Variants in EPB42 observed in about 807,000 individuals in gnomAD.
EPB42 encodes protein 4.2.
A neutral mutation model predicts 76.9 loss-of-function variants in EPB42; 49 were observed. That is an observed-to-expected ratio of 0.64 (90% CI 0.51 to 0.81). The LOEUF (loss-of-function observed/expected upper bound fraction) is 0.81, where lower values mean the gene tolerates loss of function less well. Ranked by LOEUF, EPB42 falls within the 30% of genes least tolerant of loss-of-function variation. EPB42 has a pLI of 0.00. For synonymous variants in EPB42, 310 were observed against 338.4 expected (o/e 0.92, Z 0.92); for missense variants, 731 against 867.6 (o/e 0.84, Z 1.98).
intron 11 of EPB42, 26 bp from the exon 12 acceptor site, chr15:43,202,003 TG>T: frequency 1.9e-6 from 3 of 1,613,576 alleles, no homozygotes; most frequent in Non-Finnish European, 2.5e-6. Flanking sequence ...ATACCTGGTG[TG>T]GATGCCAAGG....
upstream of EPB42, among the ~76,000 whole-genome samples, chr15:43,225,212 T>C (rs762067314): frequency 6.6e-6 from 1 of 152,268 alleles, no homozygotes; most frequent in Non-Finnish European, 1.5e-5. Flanking sequence ...TAGAAAATTA[T>C]TGCTTCTAGA....
chr15:43,204,768 T>C (rs2042174866), intron 10 of EPB42, among the ~76,000 whole-genome samples: 1 of 152,192 alleles, frequency 6.6e-6, no homozygotes, highest in Admixed American at 6.5e-5. Context: ...CTTCTCATCT[T>C]CAATCCAGTG....
chr15:43,214,569 G>A (rs1182760958), intron 3 of EPB42, among the ~76,000 whole-genome samples: 1 of 152,178 alleles, frequency 6.6e-6, no homozygotes, highest in East Asian at 1.9e-4. Context: ...GGCCCTGGTC[G>A]GCCGGGGAGC....
intron 1 of EPB42, among the ~76,000 whole-genome samples, chr15:43,217,373 C>T (rs569602280): frequency 5.3e-5 from 8 of 152,192 alleles, no homozygotes; most frequent in East Asian, 3.9e-4. Context: ...TTGTATAGCC[C>T]GCAGAACCAT....
intron 12 of EPB42, 145 bp downstream of exon 12, chr15:43,201,699 A>T: frequency 1.6e-6 from 2 of 1,270,686 alleles, no homozygotes; most frequent in Non-Finnish European, 2.3e-6. Flanking sequence ...GAGGGAAGCC[A>T]CTTGGTAGCC....
In EPB42 at chr15:43,208,223, G is replaced by T. The variant is rs761030391; in HGVS notation, c.1075+7C>A. ...TGCGTGGTCCTGGACCCACCCCTAG[G>T]CTTTACCTCCACCTCCATTAGGAGC... On this transcript the variant is annotated splice_region_variant and intron_variant, in intron 8 of 12. Coordinates refer to ENST00000441366, the MANE Select transcript of EPB42 (RefSeq NM_001114134.2). The T allele has an allele frequency of 1.3e-4, 212 of 1,613,164 alleles. No individual in the cohort carries two copies. Among genetic ancestry groups the T allele is most frequent in the Middle Eastern group, 1.2e-3 (7 of 5,976 alleles).
intron 2 of EPB42, among the ~76,000 whole-genome samples, chr15:43,216,056 T>C (rs2042373424): frequency 6.6e-6 from 1 of 152,264 alleles, no homozygotes; most frequent in East Asian, 1.9e-4. Flanking sequence ...TTGGTGATGC[T>C]GCTGCTAGGC....
intron 1 of EPB42, among the ~76,000 whole-genome samples, chr15:43,217,612 C>T (rs986197634): frequency 2.0e-5 from 3 of 152,100 alleles, no homozygotes; most frequent in Non-Finnish European, 4.4e-5. Flanking sequence ...CCTTTAATAG[C>T]AGAAGGCCAT....
In EPB42 at chr15:43,201,930, GCTGA is replaced by G. The variant is rs2042132548; in HGVS notation, c.1823_1826del (p.Val608AlafsTer6). 6.2e-7 allele frequency: 1 copy of G among 1,614,084 alleles called. No homozygotes were observed. The highest frequency in any genetic ancestry group is 1.3e-5 in the African/African-American group (1 of 74,918). On this transcript the variant is annotated frameshift_variant, in exon 12 of 13. Transcript: ENST00000441366. LOFTEE classifies it high-confidence loss of function. ...TGGGGGCATCTAGGGAGTTCTGGAG[GCTGA>G]CTGAGGCTGTGAGGGGTTGATACTG...
At chr15:43,217,150 T>C in intron 1 of EPB42, among the ~76,000 whole-genome samples, 1 of 152,184 alleles carries the variant, frequency 6.6e-6, no homozygotes, top group East Asian at 1.9e-4. Context: ...TCCCCAGTGT[T>C]AGAGGAGGGG....
At chr15:43,207,740 T>C (rs2042227109) in intron 8 of EPB42, among the ~76,000 whole-genome samples, 1 of 152,216 alleles carries the variant, frequency 6.6e-6, no homozygotes. Flanking sequence ...AGCTTTACTA[T>C]GGATATGACA....
At chr15:43,215,465 G>T in intron 2 of EPB42, 137 bp from the exon 3 acceptor site, 3 of 876,108 alleles carry the variant, frequency 3.4e-6, no homozygotes, top group Non-Finnish European at 5.6e-6. Context: ...CTAGAAATGA[G>T]GCCCATCAAG....
At position 43,197,327 on chromosome 15, in the gene EPB42, A is replaced by G; in HGVS notation, c.2051T>C (p.Val684Ala). The G allele has an allele frequency of 1.9e-6, 3 of 1,614,200 alleles. No individual in the cohort carries two copies. The highest frequency in any genetic ancestry group is 1.7e-6 in the Non-Finnish European group (2 of 1,180,032). The change falls in exon 13 of 13, where the codon GTG (valine) becomes GCG (alanine). Residue 684 changes from valine (V) to alanine (A), a missense_variant. Transcript: ENST00000441366. ...QNLTNYKSVTVVAPELSA is the reference protein window; with the variant it reads ...QNLTNYKSVTAVAPELSA ...TTAAGCTGATAGTTCAGGGGCTACC[A>G]CGGTGACGCTTTTATAGTTGGTTAG...
chr15:43,216,957 G>A (rs1186896531), intron 1 of EPB42, among the ~76,000 whole-genome samples: 2 of 152,194 alleles, frequency 1.3e-5, no homozygotes, highest in East Asian at 3.8e-4. Context: ...TCTCACCCAA[G>A]ACTGTGCATG....
chr15:43,223,467 A>G (rs2042480421), upstream of EPB42, among the ~76,000 whole-genome samples: 1 of 152,258 alleles, frequency 6.6e-6, no homozygotes, highest in African/African-American at 2.4e-5. Context: ...AGGATATGAT[A>G]GACAATTCAC....
At chr15:43,223,167 A>C (rs1265687363), upstream of EPB42, among the ~76,000 whole-genome samples, 3 of 152,142 alleles carry the variant, frequency 2.0e-5, no homozygotes, top group African/African-American at 7.2e-5. Flanking sequence ...AATACAAAAA[A>C]TTAGCTGAGC....
chr15:43,199,992 ATG>A (rs1331684368), intron 12 of EPB42, among the ~76,000 whole-genome samples: 1 of 152,188 alleles, frequency 6.6e-6, no homozygotes, highest in East Asian at 1.9e-4. Context: ...AGCCTTGGGT[ATG>A]TCTTTATCAG....
upstream of EPB42, among the ~76,000 whole-genome samples, chr15:43,223,951 C>T (rs1024204347): frequency 1.3e-5 from 2 of 152,088 alleles, no homozygotes; most frequent in African/African-American, 4.8e-5. Flanking sequence ...CCAGCCTTGA[C>T]AACAGAGCAA....
chr15:43,220,257 G>C (rs550735229), intron 1 of EPB42, among the ~76,000 whole-genome samples: 1 of 152,182 alleles, frequency 6.6e-6, no homozygotes, highest in African/African-American at 2.4e-5. Flanking sequence ...CCTGCCAAGA[G>C]TGCTGCGACT....
Sources: gnomAD v4.1 joint callset for allele counts (sites outside exome capture counted in the v4.1 genomes callset) on GRCh38, gnomAD v4.1.1 for gene constraint, MANE v1.5 for transcripts, NCBI Gene and HGNC (gene_info 2026-07-23, HGNC 2026-07-21) for gene names.